The following ATG7 variants were observed in gnomAD, a reference collection of about 807,000 sequenced individuals.
ATG7 encodes the protein ubiquitin-like modifier-activating enzyme ATG7.
In ATG7, 70 loss-of-function variants were observed where a neutral mutation model predicts 82.4. The observed-to-expected ratio is 0.85, with a 90% confidence interval of 0.70 to 1.04. The LOEUF is 1.04. ATG7 is among the 50% of genes least tolerant of loss of function. The pLI is 0.00. For synonymous variants in ATG7, 287 were observed against 313.0 expected, an observed-to-expected ratio of 0.92 and a Z score of 0.88; for missense variants, 792 against 864.3, an observed-to-expected ratio of 0.92 and a Z score of 1.05.
At chr3:11,286,203 T>C (rs1029865693) in intron 3 of ATG7, among the ~76,000 whole-genome samples, 3 of 152,236 alleles carry the variant, frequency 2.0e-5, no homozygotes, top group Admixed American at 6.5e-5. Context: ...ATTAAAATGC[T>C]ATATTAATGA....
intron 19 of ATG7, among the ~76,000 whole-genome samples, chr3:11,393,862 G>C (rs1274789353): frequency 6.6e-6 from 1 of 152,044 alleles, no homozygotes; most frequent in Non-Finnish European, 1.5e-5. Context: ...TGTATATTTT[G>C]TAGAGATAGG....
At chr3:11,321,848 A>G (rs1002606420) in intron 9 of ATG7, among the ~76,000 whole-genome samples, 1 of 152,124 alleles carries the variant, frequency 6.6e-6, no homozygotes, top group African/African-American at 2.4e-5. Context: ...TTCAGTTTTC[A>G]TTTTCAAAGG....
Position 11,438,772 on chromosome 3 carries a change from T to C in ATG7, c.2079+11846T>C, listed in dbSNP as rs570451840. Reference sequence around the variant, plus strand: ...AAGATCTAATATGTGAGAGAGAAAGTGAAAACTAAAGGAATTCTTGGAGAT... The same window carrying C: ...AAGATCTAATATGTGAGAGAGAAAGCGAAAACTAAAGGAATTCTTGGAGAT... On this transcript the variant is annotated intron_variant, in intron 20 of 20. Coordinates refer to ENST00000693202, the MANE Select transcript of ATG7 (RefSeq NM_001349232.2). Among the ~76,000 whole-genome samples, 3 of 152,154 alleles carry C rather than the reference T, an allele frequency of 2.0e-5. No individual in the cohort carries two copies. In the East Asian group the frequency reaches 5.8e-4, roughly 29 times the overall value.
chr3:11,315,479 G>C lies in ATG7; in HGVS notation c.664G>C (p.Gly222Arg), dbSNP rs770020620. The part of the protein sequence containing the change: ...LLKHYSDFFQ[G>R]QRTKITIGVY... ...TAAACACTACAGTGATTTCTTCCAA[G>C]GTCAAAGGACGAAGGTCAGATAAAC... Residue 222 changes from glycine (G) to arginine (R), a missense_variant, in exon 9 of 21, where the codon GGT (glycine) becomes CGT (arginine). By Grantham distance (125) the Gly-to-Arg change is moderately radical (BLOSUM62 -2). Coordinates refer to ENST00000693202, the MANE Select transcript of ATG7 (RefSeq NM_001349232.2). The C allele has an allele frequency of 5.0e-6, 8 of 1,597,110 alleles. No homozygotes were observed. Among genetic ancestry groups the C allele is most frequent in the South Asian group, 1.2e-5 (1 of 86,912 alleles).
chr3:11,353,176 G>A (rs1354612122), intron 14 of ATG7, among the ~76,000 whole-genome samples: 1 of 152,214 alleles, frequency 6.6e-6, no homozygotes, highest in Non-Finnish European at 1.5e-5. Context: ...GGGCACAGTG[G>A]CTGATGCCTA....
intron 20 of ATG7, among the ~76,000 whole-genome samples, chr3:11,481,436 G>GTT (rs1299577492): frequency 6.6e-6 from 1 of 152,186 alleles, no homozygotes; most frequent in Non-Finnish European, 1.5e-5. Flanking sequence ...CTAGCAAAAT[G>GTT]TAAGTGTATG....
intron 20 of ATG7, among the ~76,000 whole-genome samples, chr3:11,447,601 T>C (rs972337035): frequency 6.6e-6 from 1 of 152,224 alleles, no homozygotes; most frequent in Admixed American, 6.5e-5. Context: ...TTGTTGGCTT[T>C]ATTCTCTCTC....
At chr3:11,367,013 G>GTGT (rs1491017166) in intron 18 of ATG7, among the ~76,000 whole-genome samples, 1 of 148,052 alleles carries the variant, frequency 6.8e-6, no homozygotes, top group East Asian at 2.0e-4. Flanking sequence ...GTGTGTGTGT[G>GTGT]TTTACTTGCT....
At chr3:11,340,538 G>T (rs1379269975) in intron 11 of ATG7, 107 bp from the exon 12 acceptor site, 1 of 944,538 alleles carries the variant, frequency 1.1e-6, no homozygotes, top group African/African-American at 1.7e-5. Context: ...GCTTGTCAAT[G>T]CATGGGCCAT....
intron 20 of ATG7, among the ~76,000 whole-genome samples, chr3:11,534,909 C>A (rs566260821): frequency 1.3e-5 from 2 of 152,226 alleles, no homozygotes; most frequent in African/African-American, 4.8e-5. Context: ...AGCCCTGCTG[C>A]GGAGGCGCCT....
chr3:11,546,162 A>ATT (rs36042370), intron 20 of ATG7, among the ~76,000 whole-genome samples: 1,588 of 68,900 alleles, frequency 0.023, 186 homozygotes, highest in African/African-American at 0.053. Context: ...CCAAAACTGG[A>ATT]TTTTTTTTTT....
At chr3:11,500,193 TGGCAGTG>T (rs2091217198) in intron 20 of ATG7, among the ~76,000 whole-genome samples, 1 of 152,204 alleles carries the variant, frequency 6.6e-6, no homozygotes, top group African/African-American at 2.4e-5. Context: ...CACAGTTGTA[TGGCAGTG>T]GTGAGGATGT....
At chr3:11,524,805 C>CA (rs199851494) in intron 20 of ATG7, among the ~76,000 whole-genome samples, 1,900 of 150,054 alleles carry the variant, frequency 0.013, 45 homozygotes, top group African/African-American at 0.044. Flanking sequence ...AAAACAAAAA[C>CA]AAAAAAAAAC....
chr3:11,284,978 T>C (rs1943721869), intron 3 of ATG7, among the ~76,000 whole-genome samples: 1 of 150,482 alleles, frequency 6.6e-6, no homozygotes, highest in African/African-American at 2.4e-5. Context: ...TCCCAAGTAG[T>C]TGGGACTATA....
At chr3:11,517,292 GATCGC>G (rs2092309305) in intron 20 of ATG7, among the ~76,000 whole-genome samples, 1 of 150,764 alleles carries the variant, frequency 6.6e-6, no homozygotes, top group African/African-American at 2.4e-5. Context: ...AGTGAGTCGA[GATCGC>G]ATCACTGCAC....
At chr3:11,485,732 A>G (rs1297937587) in intron 20 of ATG7, among the ~76,000 whole-genome samples, 2 of 152,194 alleles carry the variant, frequency 1.3e-5, no homozygotes, top group East Asian at 1.9e-4. Flanking sequence ...GGTGTAAGCA[A>G]GGGATCCAGT....
intron 20 of ATG7, among the ~76,000 whole-genome samples, chr3:11,451,377 A>G (rs2085116197): frequency 6.6e-6 from 1 of 152,046 alleles, no homozygotes; most frequent in Admixed American, 6.5e-5. Flanking sequence ...ATGCCCAGCT[A>G]ATTTTTGTAT....
chr3:11,559,848 G>A (rs552216040), downstream of ATG7, among the ~76,000 whole-genome samples: 7 of 152,268 alleles, frequency 4.6e-5, no homozygotes, highest in African/African-American at 7.2e-5. Flanking sequence ...CCACTGAGCC[G>A]CGGGTGTGCC....
chr3:11,558,877 G>A (rs1159756766), downstream of ATG7: 5 of 1,590,862 alleles, frequency 3.1e-6, no homozygotes, highest in African/African-American at 4.0e-5. Flanking sequence ...GCTGCAGACA[G>A]ACAGGCACGG....
Sources: allele counts gnomAD v4.1 joint callset (sites outside exome capture counted in the v4.1 genomes callset), GRCh38; gene constraint gnomAD v4.1.1; transcripts MANE v1.5; gene names NCBI Gene and HGNC (gene_info 2026-07-23, HGNC 2026-07-21).